The following ARHGAP42 variants were observed in gnomAD, a reference collection of about 807,000 sequenced individuals.
ARHGAP42 encodes rho GTPase-activating protein 42.
Under a neutral mutation model 125.0 loss-of-function variants are expected in ARHGAP42, and 63 were observed. That is an observed-to-expected ratio of 0.50 (90% CI 0.41 to 0.62). The LOEUF (loss-of-function observed/expected upper bound fraction) is 0.62, where lower values mean the gene tolerates loss of function less well. Among genes scored for constraint, ARHGAP42 ranks in the 20% least tolerant of loss-of-function variants. ARHGAP42 has a pLI of 0.00. For missense variants in ARHGAP42, 766 were observed against 1,024.2 expected, an observed-to-expected ratio of 0.75 and a Z score of 3.44; for synonymous variants, 339 against 351.0, an observed-to-expected ratio of 0.97 and a Z score of 0.38.
chr11:100,934,810 A>T (rs1867689625), intron 7 of ARHGAP42, among the ~76,000 whole-genome samples: 1 of 152,158 alleles, frequency 6.6e-6, no homozygotes, highest in African/African-American at 2.4e-5. Flanking sequence ...CCCATAAGAA[A>T]TATGTAAGGG....
At chr11:100,739,217 G>A (rs1862128130) in intron 1 of ARHGAP42, among the ~76,000 whole-genome samples, 1 of 150,742 alleles carries the variant, frequency 6.6e-6, no homozygotes, top group Admixed American at 6.6e-5. Context: ...TTTTGTCTGA[G>A]TTTTACCAAA....
intron 3 of ARHGAP42, among the ~76,000 whole-genome samples, chr11:100,825,478 C>T (rs1217884940): frequency 3.3e-5 from 5 of 152,266 alleles, no homozygotes; most frequent in Admixed American, 6.5e-5. Context: ...CAAATAAAAA[C>T]AACACGATTT....
intron 4 of ARHGAP42, among the ~76,000 whole-genome samples, chr11:100,867,313 A>C (rs963921038): frequency 2.0e-5 from 3 of 152,206 alleles, no homozygotes; most frequent in African/African-American, 7.2e-5. Flanking sequence ...TTCTAAGAGA[A>C]GGCTGTTTTG....
intron 17 of ARHGAP42, among the ~76,000 whole-genome samples, chr11:100,969,949 G>T (rs1188231252): frequency 6.6e-6 from 1 of 151,888 alleles, no homozygotes; most frequent in African/African-American, 2.4e-5. Flanking sequence ...TACTAGTACT[G>T]ATTCTCTCTA....
intron 4 of ARHGAP42, among the ~76,000 whole-genome samples, chr11:100,877,529 C>G (rs1865849074): frequency 6.6e-6 from 1 of 152,226 alleles, no homozygotes; most frequent in Non-Finnish European, 1.5e-5. Flanking sequence ...TATGGTTTCT[C>G]ATGTCTTCTG....
intron 3 of ARHGAP42, among the ~76,000 whole-genome samples, chr11:100,836,854 T>A (rs1253782000): frequency 1.3e-5 from 2 of 151,892 alleles, no homozygotes; most frequent in Admixed American, 6.6e-5. Flanking sequence ...GTCCTTTTTT[T>A]ACAACCAATT....
chr11:100,898,038 T>G (rs11224508), intron 4 of ARHGAP42, among the ~76,000 whole-genome samples: 57,739 of 152,018 alleles, frequency 0.38, 12,291 homozygotes, highest in East Asian at 0.75. Context: ...TTATTGAGAG[T>G]TTTCAGTATG....
chr11:100,977,312 G>T (rs137980335), intron 21 of ARHGAP42, among the ~76,000 whole-genome samples: 3 of 152,168 alleles, frequency 2.0e-5, no homozygotes, highest in Non-Finnish European at 4.4e-5. Flanking sequence ...CCATCTCTCC[G>T]CTGAAGAGAC....
chr11:100,952,856 T>C (rs1857701078), intron 12 of ARHGAP42, among the ~76,000 whole-genome samples: 1 of 151,968 alleles, frequency 6.6e-6, no homozygotes, highest in African/African-American at 2.4e-5. Context: ...GCCTCCCAAG[T>C]AGCTGGGATT....
At chr11:100,892,243 A>G (rs1866236484) in intron 4 of ARHGAP42, among the ~76,000 whole-genome samples, 1 of 152,210 alleles carries the variant, frequency 6.6e-6, no homozygotes, top group Non-Finnish European at 1.5e-5. Context: ...GAGAAGGAAC[A>G]AGACCTTGAG....
In ARHGAP42 at chr11:100,992,454, C is replaced by T. The variant is rs1350385547; in HGVS notation, c.*3653C>T. 1.9e-6 allele frequency: 3 copies of T among 1,613,946 alleles called. No individual in the cohort carries two copies. The African/African-American group carries it at 4.0e-5, about 22-fold the overall frequency. ...GGGTACACATTGCTATTTAACTTTG[C>T]CTCCTACCCTTTTTTGTTACCTTCC... is the stretch of plus-strand genomic sequence containing the variant. On this transcript the variant is annotated 3_prime_UTR_variant, in exon 24 of 24. Transcript: ENST00000298815.
chr11:100,780,753 T>C (rs1313287973), intron 2 of ARHGAP42, among the ~76,000 whole-genome samples: 1 of 152,234 alleles, frequency 6.6e-6, no homozygotes, highest in Non-Finnish European at 1.5e-5. Context: ...ATCAACCAGA[T>C]CTAAGCCACA....
chr11:100,898,888 T>C (rs1866443600), intron 4 of ARHGAP42, among the ~76,000 whole-genome samples: 1 of 152,178 alleles, frequency 6.6e-6, no homozygotes, highest in African/African-American at 2.4e-5. Context: ...TGCTAGCTTT[T>C]GAATGTGTTT....
Position 100,979,015 on chromosome 11 carries a change from A to G in ARHGAP42, c.2422A>G (p.Asn808Asp), listed in dbSNP as rs1301855511. 1.3e-6 allele frequency: 2 copies of G among 1,551,420 alleles called. No homozygotes were observed. The highest frequency in any genetic ancestry group is 2.4e-5 in the East Asian group (1 of 40,920). The change falls in exon 22 of 24, where the codon AAT (asparagine) becomes GAT (aspartate). Residue 808 changes from asparagine (N) to aspartate (D), a missense_variant. Transcript: ENST00000298815. ...GGCAGCAAAAGCTCAACTGTTTGAA[A>G]ATGTTGGTTCACCTAAACCAGTTTC... ...VVAAKAQLFE[N>D]VGSPKPVSSG...
At chr11:100,920,968 T>G (rs1303574524) in intron 5 of ARHGAP42, among the ~76,000 whole-genome samples, 2 of 151,894 alleles carry the variant, frequency 1.3e-5, no homozygotes, top group African/African-American at 4.8e-5. Flanking sequence ...TATGATGCTA[T>G]CCTCACTTCT....
chr11:100,694,679 T>A (rs935317207), intron 1 of ARHGAP42, among the ~76,000 whole-genome samples: 5 of 152,304 alleles, frequency 3.3e-5, no homozygotes, highest in Middle Eastern at 3.4e-3. Context: ...GCTCCAGTGG[T>A]TCAGGCCTCA....
chr11:100,829,427 C>T (rs1864610319), intron 3 of ARHGAP42, among the ~76,000 whole-genome samples: 1 of 152,022 alleles, frequency 6.6e-6, no homozygotes, highest in South Asian at 2.1e-4. Flanking sequence ...ATCACAGGAC[C>T]AGTCATAGTT....
intron 2 of ARHGAP42, among the ~76,000 whole-genome samples, chr11:100,781,880 T>C (rs1308378725): frequency 1.3e-5 from 2 of 152,140 alleles, no homozygotes; most frequent in Non-Finnish European, 2.9e-5. Context: ...TGAAACCATT[T>C]GGTGCAAAAG....
intron 1 of ARHGAP42, among the ~76,000 whole-genome samples, chr11:100,755,140 G>A (rs1023989263): frequency 1.1e-4 from 17 of 152,290 alleles, no homozygotes; most frequent in African/African-American, 3.6e-4. Flanking sequence ...AATATGCTAC[G>A]GGTTAGTGAT....
Sources: allele counts gnomAD v4.1 joint callset (sites outside exome capture counted in the v4.1 genomes callset), GRCh38; gene constraint gnomAD v4.1.1; transcripts MANE v1.5; gene names NCBI Gene and HGNC (gene_info 2026-07-23, HGNC 2026-07-21).